SYT9: variants seen among roughly 807,000 people sequenced by gnomAD.
SYT9 encodes the protein synaptotagmin 9.
Under a neutral mutation model 48.4 loss-of-function variants are expected in SYT9, and 22 were observed. That is an observed-to-expected ratio of 0.45 (90% confidence interval 0.32 to 0.65). The LOEUF (loss-of-function observed/expected upper bound fraction) is 0.65, where lower values mean the gene tolerates loss of function less well. SYT9 is among the 30% of genes least tolerant of loss of function. The pLI is 0.03. For missense variants in SYT9, 577 were observed against 622.0 expected (o/e 0.93, Z 0.77); for synonymous variants, 265 against 245.0 (o/e 1.08, Z -0.76).
intron 3 of SYT9, among the ~76,000 whole-genome samples, chr11:7,347,242 T>TC (rs1307929001): frequency 6.6e-6 from 1 of 151,856 alleles, no homozygotes; most frequent in African/African-American, 2.4e-5. Context: ...AAATATTTTT[T>TC]TTTTTTGAGA....
intron 3 of SYT9, among the ~76,000 whole-genome samples, chr11:7,351,282 T>C (rs1436955926): frequency 6.6e-6 from 1 of 152,160 alleles, no homozygotes; most frequent in Non-Finnish European, 1.5e-5. Context: ...GTGGTTATAT[T>C]TTTAAGCATC....
In SYT9 at chr11:7,347,234, A is replaced by ATGT. The variant is rs1387329020; in HGVS notation, c.1044+33294_1044+33295insGTT. On this transcript the variant is annotated intron_variant, in intron 3 of 6. Coordinates refer to ENST00000318881, the MANE Select transcript of SYT9 (RefSeq NM_175733.4). ...CTGCTTTCAAACCGTTTTCATCAAA[A>ATGT]TATTTTTTTTTTTTGAGATGAAGTC... Among the ~76,000 whole-genome samples, 575 of 94,698 alleles carry ATGT rather than the reference A, an allele frequency of 6.1e-3. 3 individuals carry two copies. Among genetic ancestry groups the ATGT allele is most frequent in the African/African-American group, 0.02 (543 of 26,866 alleles). 62.1% of individuals were successfully genotyped at this position (94,698 alleles called of 152,430 possible).
At position 7,238,899 on chromosome 11, in the gene SYT9, C is replaced by G. The variant is rs141769556; in HGVS notation, c.32C>G (p.Ala11Gly). 759 of 456,046 alleles carry G rather than the reference C, an allele frequency of 1.7e-3. 4 individuals carry two copies. Among genetic ancestry groups the G allele is most frequent in the African/African-American group, 0.013 (660 of 50,148 alleles). 28.2% of individuals were successfully genotyped at this position (456,046 alleles called of 1,614,324 possible). The change falls in exon 1 of 9, where the codon GCT becomes GGT. Residue 11 changes from alanine (A) to glycine (G), a missense_variant and NMD_transcript_variant. Physicochemically the swap from Ala to Gly is moderately conservative, Grantham distance 60 (BLOSUM62 0). Transcript: ENST00000524820. Reference sequence around the variant, plus strand: ...GCGAAGGTGGTGGAGGGAGATTTAGCTTTCAAAGGAGGCAGAGGTAAAGTT... The same window carrying G: ...GCGAAGGTGGTGGAGGGAGATTTAGGTTTCAAAGGAGGCAGAGGTAAAGTT...
At position 7,414,386 on chromosome 11, in the gene SYT9, G is replaced by T. The variant is rs1208004035; in HGVS notation, c.1045-1656G>T. Among the ~76,000 whole-genome samples, 5 of 152,250 alleles carry T rather than the reference G, an allele frequency of 3.3e-5. No individual in the cohort carries two copies. The South Asian group carries it at 8.3e-4, about 25-fold the overall frequency. Reference sequence around the variant, plus strand: ...TGGGCCAGGGAGTCAGGAAACAAAAGGGTGATGTGTGGGGACAGCTGTGGT... The same window carrying T: ...TGGGCCAGGGAGTCAGGAAACAAAATGGTGATGTGTGGGGACAGCTGTGGT... On this transcript the variant is annotated intron_variant, in intron 3 of 6. Coordinates refer to ENST00000318881, the MANE Select transcript of SYT9 (RefSeq NM_175733.4).
chr11:7,460,769 G>A (rs1323466919), intron 6 of SYT9, among the ~76,000 whole-genome samples: 1 of 152,176 alleles, frequency 6.6e-6, no homozygotes, highest in Admixed American at 6.5e-5. Context: ...ATAACAACAT[G>A]TGTATTGCAC....
In SYT9 at chr11:7,360,072, CT is replaced by C. The variant is rs1167803840; in HGVS notation, c.1044+46132del. Among the ~76,000 whole-genome samples the C allele has an allele frequency of 2.7e-3, 409 of 152,096 alleles. 5 individuals are homozygous for C. The highest frequency in any genetic ancestry group is 9.7e-3 in the African/African-American group (401 of 41,500). ...TCCAGTTTCAGCTTTTTACATATGG[CT>C]AGCCAGTTTTCCCAGCACCATTTAT... On this transcript the variant is annotated intron_variant, in intron 3 of 6. Transcript: ENST00000318881.
chr11:7,301,940 T>A (rs932925880), intron 1 of SYT9, among the ~76,000 whole-genome samples: 12 of 152,206 alleles, frequency 7.9e-5, no homozygotes, highest in African/African-American at 2.7e-4. Context: ...AGGGGCATAG[T>A]CACTGGATAC....
intron 6 of SYT9, chr11:7,434,883 C>T (rs1056882960): frequency 6.6e-6 from 1 of 152,082 alleles, no homozygotes; most frequent in African/African-American, 2.4e-5. Context: ...AAGTTCGTTC[C>T]CAGGACTGGG....
chr11:7,356,265 A>G (rs1475090245), intron 3 of SYT9, among the ~76,000 whole-genome samples: 1 of 152,222 alleles, frequency 6.6e-6, no homozygotes, highest in Non-Finnish European at 1.5e-5. Context: ...TTCAAACTTG[A>G]GTCGTTTTAC....
intron 3 of SYT9, among the ~76,000 whole-genome samples, chr11:7,334,390 T>C (rs796746476): frequency 1.3e-5 from 2 of 152,132 alleles, no homozygotes; most frequent in East Asian, 3.9e-4. Context: ...CAATCTATTA[T>C]AGAAGGCCAC....
intron 3 of SYT9, among the ~76,000 whole-genome samples, chr11:7,362,257 G>A (rs187086886): frequency 6.6e-6 from 1 of 151,526 alleles, no homozygotes; most frequent in African/African-American, 2.4e-5. Flanking sequence ...TGATTCTCCT[G>A]CCTCAGCCTC....
chr11:7,439,036 A>C (rs1382734544), intron 6 of SYT9: 1 of 152,264 alleles, frequency 6.6e-6, no homozygotes, highest in Non-Finnish European at 1.5e-5. Context: ...CCACTCAGAA[A>C]GGAAACACTC....
At position 7,274,304 on chromosome 11, in the gene SYT9, G is replaced by A. The variant is rs1255027679; in HGVS notation, c.145+21973G>A. The stretch of plus-strand genomic sequence containing the variant: ...GATTCTACACTCTTTCCTTATATCT[G>A]TGTGAAGTTCATCTTTTTTTTTTTT... On this transcript the variant is annotated intron_variant, in intron 1 of 6. Coordinates refer to ENST00000318881, the MANE Select transcript of SYT9 (RefSeq NM_175733.4). Among the ~76,000 whole-genome samples, 3 of 147,010 alleles carry A rather than the reference G, an allele frequency of 2.0e-5. No individual in the cohort carries two copies. The East Asian group carries it at 6.0e-4, about 30-fold the overall frequency.
chr11:7,402,704 C>A (rs1036386040), intron 3 of SYT9, among the ~76,000 whole-genome samples: 1 of 151,922 alleles, frequency 6.6e-6, no homozygotes, highest in Non-Finnish European at 1.5e-5. Flanking sequence ...CTTTAAAAAT[C>A]TTTTTTTGTG....
chr11:7,260,494 C>T (rs1589892786), intron 1 of SYT9, among the ~76,000 whole-genome samples: 1 of 152,274 alleles, frequency 6.6e-6, no homozygotes, highest in East Asian at 1.9e-4. Context: ...AATCAGATCA[C>T]GAAAGCCCCT....
At chr11:7,388,730 A>G (rs1300997065) in intron 3 of SYT9, among the ~76,000 whole-genome samples, 2 of 152,108 alleles carry the variant, frequency 1.3e-5, no homozygotes, top group Non-Finnish European at 2.9e-5. Context: ...ATTTTGACCC[A>G]TGTTTTATTT....
intron 1 of SYT9, among the ~76,000 whole-genome samples, chr11:7,280,012 AT>A (rs1272358990): frequency 6.6e-6 from 1 of 152,246 alleles, no homozygotes; most frequent in African/African-American, 2.4e-5. Context: ...GTTCTACACA[AT>A]TCCTTGAGAA....
At chr11:7,357,445 G>T (rs1313867784) in intron 3 of SYT9, among the ~76,000 whole-genome samples, 1 of 152,108 alleles carries the variant, frequency 6.6e-6, no homozygotes, top group East Asian at 1.9e-4. Flanking sequence ...AACCAGTGTG[G>T]GTATTACTAA....
rs774548478 is a variant in SYT9 at position 7,444,693 on chromosome 11, C to T, written c.1468-22099C>T. The T allele has an allele frequency of 1.6e-4, 24 of 152,260 alleles. 1 individual carries two copies. Among genetic ancestry groups the T allele is most frequent in the Non-Finnish European group, 2.6e-4 (18 of 68,030 alleles). 9.4% of individuals were successfully genotyped at this position (152,260 alleles called of 1,614,324 possible). ...ATGAAAGCAGAGCCGAGAGTATCTC[C>T]TGGCTTGTGGTTGCTGCCTCCCTGG... On this transcript the variant is annotated intron_variant, in intron 6 of 6. Coordinates refer to ENST00000318881, the MANE Select transcript of SYT9 (RefSeq NM_175733.4).
Sources: allele counts gnomAD v4.1 joint callset (sites outside exome capture counted in the v4.1 genomes callset), GRCh38; gene constraint gnomAD v4.1.1; transcripts MANE v1.5; gene names NCBI Gene and HGNC (gene_info 2026-07-23, HGNC 2026-07-21).